The following FNIP1 variants were observed in gnomAD, a reference collection of about 807,000 sequenced individuals.
The protein encoded by FNIP1 is folliculin interacting protein 1.
A neutral mutation model predicts 124.5 loss-of-function variants in FNIP1; 40 were observed. The observed-to-expected ratio is 0.32, with a 90% CI of 0.25 to 0.42. The LOEUF (loss-of-function observed/expected upper bound fraction) is 0.42. Among genes scored for constraint, FNIP1 ranks in the 10% least tolerant of loss-of-function variants. The pLI, the probability that FNIP1 is intolerant of heterozygous loss-of-function variation, is 1.00. For missense variants in FNIP1, 1,176 were observed against 1,403.7 expected (o/e 0.84, Z 2.59); for synonymous variants, 472 against 470.6 (o/e 1.00, Z -0.04).
At chr5:131,698,685 T>G (rs1027699248) in intron 11 of FNIP1, among the ~76,000 whole-genome samples, 8 of 152,194 alleles carry the variant, frequency 5.3e-5, no homozygotes, top group Non-Finnish European at 8.8e-5. Context: ...TGGTCATATT[T>G]GCTTGTCAAA....
In FNIP1 at chr5:131,758,709, A is replaced by G. The variant is rs144459691; in HGVS notation, c.93-14019T>C. Among the ~76,000 whole-genome samples the G allele has an allele frequency of 3.1e-3, 473 of 152,268 alleles. 3 individuals carry two copies. Among genetic ancestry groups the G allele is most frequent in the African/African-American group, 0.011 (450 of 41,558 alleles). ...TATCTGACACCTTCAAAGAATGCTA[A>G]TAGAAAATAAACATGCTGGAATAGA... On this transcript the variant is annotated intron_variant, in intron 1 of 17. Coordinates refer to ENST00000510461, the MANE Select transcript of FNIP1 (RefSeq NM_133372.3).
At chr5:131,753,372 G>T (rs1770945194) in intron 1 of FNIP1, among the ~76,000 whole-genome samples, 1 of 152,136 alleles carries the variant, frequency 6.6e-6, no homozygotes, top group Non-Finnish European at 1.5e-5. Flanking sequence ...ACAGAGAATG[G>T]ATAAACAAAC....
chr5:131,784,477 A>T (rs1222967757), intron 1 of FNIP1, among the ~76,000 whole-genome samples: 1 of 152,200 alleles, frequency 6.6e-6, no homozygotes, highest in Non-Finnish European at 1.5e-5. Flanking sequence ...TTTAATTATC[A>T]GGAAATAATA....
At chr5:131,779,001 A>T (rs1318814027) in intron 1 of FNIP1, among the ~76,000 whole-genome samples, 7 of 79,350 alleles carry the variant, frequency 8.8e-5, no homozygotes, top group Admixed American at 4.7e-4. Context: ...TGTGGTGGGG[A>T]GGGGGGAGGG....
At chr5:131,746,791 C>G (rs1445103022) in intron 1 of FNIP1, among the ~76,000 whole-genome samples, 2 of 152,122 alleles carry the variant, frequency 1.3e-5, no homozygotes, top group African/African-American at 4.8e-5. Flanking sequence ...GATATATACT[C>G]AGTAATGTGA....
At position 131,672,678 on chromosome 5, in the gene FNIP1, T is replaced by C. The variant is rs373270669; in HGVS notation, c.1766A>G (p.His589Arg). The C allele has an allele frequency of 7.3e-5, 118 of 1,614,110 alleles. No homozygotes were observed. Among genetic ancestry groups the C allele is most frequent in the Middle Eastern group, 1.6e-4 (1 of 6,084 alleles). The change falls in exon 14 of 18, where the codon CAT becomes CGT. Residue 589 changes from histidine (H) to arginine (R), a missense_variant. His to Arg is a conservative substitution (Grantham distance 29, BLOSUM62 0). Coordinates refer to ENST00000510461, the MANE Select transcript of FNIP1 (RefSeq NM_133372.3). ...EESEYVLVTM[H>R]RNKSSLLFKE... ...AAAGAGCAAACTGCTTTTGTTTCTA[T>C]GCATTGTGACAAGGACATACTCTGA...
chr5:131,647,116 A>G lies in FNIP1; in HGVS notation c.3396T>C (p.His1132=), dbSNP rs749899675. 1.2e-5 allele frequency: 20 copies of G among 1,614,060 alleles called. No homozygotes were observed. The highest frequency in any genetic ancestry group is 2.7e-5 in the African/African-American group (2 of 74,938). ...SEYLRGQMRV[H]VKELGVVLGI... ...CCAGAACCACTCCCAGCTCCTTGAC[A>G]TGAACACGCATCTGCCCCCTCAGGT... The change falls in exon 17 of 18, where the codon CAT becomes CAC. Residue 1132 remains histidine, a synonymous_variant. Coordinates refer to ENST00000510461, the MANE Select transcript of FNIP1 (RefSeq NM_133372.3).
chr5:131,677,010 G>C (rs1767931646), intron 13 of FNIP1, among the ~76,000 whole-genome samples: 1 of 152,196 alleles, frequency 6.6e-6, no homozygotes, highest in Non-Finnish European at 1.5e-5. Context: ...AGTAGGAGCA[G>C]AGGTAATTAG....
intron 2 of FNIP1, among the ~76,000 whole-genome samples, chr5:131,742,063 G>A (rs935727944): frequency 2.0e-5 from 3 of 152,150 alleles, no homozygotes; most frequent in Non-Finnish European, 4.4e-5. Context: ...AAAGCGAACA[G>A]AGTAAAACAA....
intron 11 of FNIP1, among the ~76,000 whole-genome samples, chr5:131,694,237 T>C (rs903901126): frequency 1.3e-5 from 2 of 152,180 alleles, no homozygotes; most frequent in Admixed American, 6.5e-5. Context: ...TCCAACTGAG[T>C]TGAAAACATG....
intron 1 of FNIP1, among the ~76,000 whole-genome samples, chr5:131,778,078 TTC>T (rs1384862450): frequency 6.6e-6 from 1 of 152,154 alleles, no homozygotes; most frequent in African/African-American, 2.4e-5. Flanking sequence ...TTCTGGTACT[TTC>T]TGTTTTTTTG....
Position 131,776,417 on chromosome 5 carries a change from G to A in FNIP1, c.92+20413C>T, listed in dbSNP as rs190011459. Among the ~76,000 whole-genome samples the A allele has an allele frequency of 3.1e-3, 468 of 152,178 alleles. 7 individuals are homozygous for A. The highest frequency in any genetic ancestry group is 3.4e-3 in the Non-Finnish European group (232 of 68,016). ...CTAAAGTATTCAGCATCTGTCCACC[G>A]AAAGACATATATAAAAATATTCATA... On this transcript the variant is annotated intron_variant, in intron 1 of 17. Coordinates refer to ENST00000510461, the MANE Select transcript of FNIP1 (RefSeq NM_133372.3).
chr5:131,743,005 C>T (rs988679340), intron 2 of FNIP1, among the ~76,000 whole-genome samples: 8 of 152,178 alleles, frequency 5.3e-5, no homozygotes, highest in African/African-American at 1.9e-4. Context: ...CAATTTTTTA[C>T]TTTAAGGTTT....
At chr5:131,645,309 CAAA>C (rs34663555) in intron 17 of FNIP1, among the ~76,000 whole-genome samples, 1 of 132,462 alleles carries the variant, frequency 7.5e-6, no homozygotes. Flanking sequence ...GACCCTGTCT[CAAA>C]AAAAAAAAAA....
intron 1 of FNIP1, among the ~76,000 whole-genome samples, chr5:131,755,383 T>C (rs890560218): frequency 5.5e-5 from 8 of 146,476 alleles, no homozygotes; most frequent in Non-Finnish European, 1.2e-4. Context: ...ATCACGCCAC[T>C]GCACTCCAGA....
At chr5:131,721,275 G>T (rs914531732) in intron 3 of FNIP1, among the ~76,000 whole-genome samples, 2 of 151,974 alleles carry the variant, frequency 1.3e-5, no homozygotes, top group African/African-American at 4.8e-5. Flanking sequence ...CTTATATGAG[G>T]TATTTAAAAT....
intron 2 of FNIP1, among the ~76,000 whole-genome samples, chr5:131,736,238 A>C (rs1580797331): frequency 1.3e-5 from 2 of 152,156 alleles, no homozygotes; most frequent in Admixed American, 1.3e-4. Flanking sequence ...TTACTTATTG[A>C]TCACCAACAA....
intron 1 of FNIP1, among the ~76,000 whole-genome samples, chr5:131,782,963 C>T (rs1298407876): frequency 1.3e-5 from 2 of 152,170 alleles, no homozygotes; most frequent in Non-Finnish European, 2.9e-5. Context: ...GCGCCTGGTC[C>T]GTTTCTTAAG....
At position 131,693,372 on chromosome 5, in the gene FNIP1, A is replaced by T. The variant is rs538467053; in HGVS notation, c.1202+5545T>A. Among the ~76,000 whole-genome samples the T allele has an allele frequency of 3.2e-3, 435 of 136,844 alleles. 3 individuals carry two copies. The highest frequency in any genetic ancestry group is 0.011 in the African/African-American group (417 of 37,962). The allele number at this position is 136,844 out of a possible 152,430, so 89.8% of individuals were successfully genotyped here. A position where few individuals can be genotyped will look rare whatever the true frequency, so the allele number is the denominator to read the frequency against. Reference sequence around the variant, plus strand: ...TATATATATATATATAGTTACAGAGATCAACAGAACAGAACAGAATAGAAC... The same window carrying T: ...TATATATATATATATAGTTACAGAGTTCAACAGAACAGAACAGAATAGAAC... On this transcript the variant is annotated intron_variant, in intron 11 of 17. Coordinates refer to ENST00000510461, the MANE Select transcript of FNIP1 (RefSeq NM_133372.3).
Sources: allele counts gnomAD v4.1 joint callset (sites outside exome capture counted in the v4.1 genomes callset), GRCh38; gene constraint gnomAD v4.1.1; transcripts MANE v1.5; gene names NCBI Gene and HGNC (gene_info 2026-07-23, HGNC 2026-07-21).